The following ASCC3 variants were observed in gnomAD, a reference collection of about 807,000 sequenced individuals.
ASCC3 encodes the protein activating signal cointegrator 1 complex subunit 3.
ASCC3 carries 158 observed loss-of-function variants against 256.3 expected under a neutral mutation model. That is an observed-to-expected ratio of 0.62 (90% CI 0.54 to 0.70). ASCC3 has a LOEUF of 0.70. Ranked by LOEUF, ASCC3 falls within the 30% of genes least tolerant of loss-of-function variation. The pLI is 0.00. For missense variants in ASCC3, 2,259 were observed against 2,626.0 expected (o/e 0.86, Z 3.05); for synonymous variants, 948 against 883.4 (o/e 1.07, Z -1.30).
At chr6:100,638,940 C>T (rs942274589) in intron 24 of ASCC3, 119 bp from the exon 25 acceptor site, 2 of 855,204 alleles carry the variant, frequency 2.3e-6, no homozygotes, top group African/African-American at 1.7e-5. Flanking sequence ...AGAAAAAACA[C>T]AAACTCTTAT....
At chr6:100,859,833 G>C (rs1435077292) in intron 3 of ASCC3, among the ~76,000 whole-genome samples, 1 of 152,018 alleles carries the variant, frequency 6.6e-6, no homozygotes, top group Non-Finnish European at 1.5e-5. Flanking sequence ...ATGACAAGTT[G>C]AATAGTGAAA....
chr6:100,824,873 C>T (rs1771220978), intron 4 of ASCC3, among the ~76,000 whole-genome samples: 1 of 151,900 alleles, frequency 6.6e-6, no homozygotes, highest in Non-Finnish European at 1.5e-5. Flanking sequence ...ACATGAAAGC[C>T]TTGAAGGGTA....
chr6:100,554,691 A>C (rs1769479676), intron 36 of ASCC3, among the ~76,000 whole-genome samples: 1 of 152,116 alleles, frequency 6.6e-6, no homozygotes, highest in African/African-American at 2.4e-5. Flanking sequence ...CATTTCAGTA[A>C]ATTTCCCTGA....
chr6:100,623,358 A>G (rs972824627), intron 30 of ASCC3, among the ~76,000 whole-genome samples: 1 of 152,174 alleles, frequency 6.6e-6, no homozygotes, highest in African/African-American at 2.4e-5. Flanking sequence ...TAGCCTGCAT[A>G]TTAAGCTAAT....
At chr6:100,603,121 T>C (rs541863159) in intron 33 of ASCC3, among the ~76,000 whole-genome samples, 3 of 152,126 alleles carry the variant, frequency 2.0e-5, no homozygotes, top group South Asian at 4.1e-4. Context: ...TGCAACGTTA[T>C]ACATAAGAGG....
intron 37 of ASCC3, among the ~76,000 whole-genome samples, chr6:100,526,479 G>A (rs1774583908): frequency 6.6e-6 from 1 of 152,130 alleles, no homozygotes; most frequent in East Asian, 1.9e-4. Flanking sequence ...CACCCAGAGG[G>A]AAAACAGCCT....
chr6:100,569,042 A>G (rs1770440343), intron 36 of ASCC3, among the ~76,000 whole-genome samples: 1 of 151,918 alleles, frequency 6.6e-6, no homozygotes, highest in Non-Finnish European at 1.5e-5. Context: ...GCCTAGTCAT[A>G]AATTATTTCT....
Position 100,718,258 on chromosome 6 carries a change from G to T in ASCC3, c.1903-7C>A. 1 of 1,579,672 alleles carries T rather than the reference G, an allele frequency of 6.3e-7. No homozygotes were observed. Among genetic ancestry groups the T allele is most frequent in the Middle Eastern group, 1.7e-4 (1 of 5,888 alleles). On this transcript the variant is annotated splice_region_variant and splice_polypyrimidine_tract_variant and intron_variant, in intron 11 of 41. Transcript: ENST00000369162. ...TACTCTGTGTGGATTCCACCTATAT[G>T]GATTATTTTAATTAAATATGGGTTA...
chr6:100,838,239 T>C (rs1306876011), intron 4 of ASCC3, among the ~76,000 whole-genome samples: 1 of 152,012 alleles, frequency 6.6e-6, no homozygotes, highest in African/African-American at 2.4e-5. Flanking sequence ...AATATGCATA[T>C]TGAAAACTAA....
intron 16 of ASCC3, 77 bp downstream of exon 16, chr6:100,661,729 C>A (rs907719987): frequency 6.8e-7 from 1 of 1,468,098 alleles, no homozygotes; most frequent in African/African-American, 1.4e-5. Context: ...AAAACAGCAA[C>A]CAACTCAATC....
chr6:100,739,702 A>G (rs1195804589), intron 10 of ASCC3, among the ~76,000 whole-genome samples: 1 of 152,068 alleles, frequency 6.6e-6, no homozygotes, highest in African/African-American at 2.4e-5. Flanking sequence ...TGCTTCTTCT[A>G]GATTTTCTAG....
At position 100,781,925 on chromosome 6, in the gene ASCC3, T is replaced by C. The variant is rs1782468895; in HGVS notation, c.1396-14580A>G. On this transcript the variant is annotated intron_variant, in intron 8 of 41. Transcript: ENST00000369162. ...TGTTTATACCCAATCCCAATTTACA[T>C]ATCTATATTTTTATATATTTATATC... Among the ~76,000 whole-genome samples the C allele has an allele frequency of 1.3e-5, 2 of 151,966 alleles. 1 individual carries two copies. Among genetic ancestry groups the C allele is most frequent in the Admixed American group, 1.3e-4 (2 of 15,264 alleles).
chr6:100,589,575 G>A, intron 36 of ASCC3, 59 bp downstream of exon 36: 1 of 1,601,070 alleles, frequency 6.2e-7, no homozygotes, highest in Non-Finnish European at 8.5e-7. Context: ...GACAAACTAG[G>A]TGGCAAAACT....
At chr6:100,739,818 T>C in intron 10 of ASCC3, among the ~76,000 whole-genome samples, 1 of 152,220 alleles carries the variant, frequency 6.6e-6, no homozygotes, top group African/African-American at 2.4e-5. Context: ...TTGATTCTTT[T>C]CTCTTTTCTT....
At chr6:100,715,709 C>T (rs1051582263) in intron 12 of ASCC3, among the ~76,000 whole-genome samples, 176 bp from the exon 13 acceptor site, 2 of 151,296 alleles carry the variant, frequency 1.3e-5, no homozygotes, top group African/African-American at 4.8e-5. Context: ...AAATATGCAA[C>T]GCAACTTAAA....
rs1473380685 is a variant in ASCC3 at position 100,651,536 on chromosome 6, G to C, written c.3075+24C>G. 4 of 1,451,338 alleles carry C rather than the reference G, an allele frequency of 2.8e-6. No homozygotes were observed. In the East Asian group the frequency reaches 9.3e-5, roughly 34 times the overall value. 89.9% of individuals were successfully genotyped at this position (1,451,338 alleles called of 1,614,324 possible). A position where few individuals can be genotyped will look rare whatever the true frequency, so the allele number is the denominator to read the frequency against. ...GAATGCATACATGTTGTATGCATTT[G>C]ATTCAAATTTCAAGAAATCTTACCT... On this transcript the variant is annotated intron_variant, in intron 19 of 41. Transcript: ENST00000369162.
intron 3 of ASCC3, chr6:100,858,656 C>A: frequency 4.0e-6 from 4 of 1,001,420 alleles, no homozygotes; most frequent in Non-Finnish European, 3.6e-6. Context: ...ATCACACACA[C>A]ACATCATGTG....
chr6:100,535,236 G>C (rs1193940970), intron 37 of ASCC3, among the ~76,000 whole-genome samples: 2 of 152,230 alleles, frequency 1.3e-5, no homozygotes, highest in African/African-American at 4.8e-5. Flanking sequence ...TTTTCAATCA[G>C]CCAGCAGAGC....
intron 28 of ASCC3, 44 bp downstream of exon 28, chr6:100,627,798 T>TA: frequency 6.2e-7 from 1 of 1,612,246 alleles, no homozygotes; most frequent in Non-Finnish European, 8.5e-7. Context: ...ATCATCAAAG[T>TA]AACACTACTA....
Sources: allele counts gnomAD v4.1 joint callset (sites outside exome capture counted in the v4.1 genomes callset), GRCh38; gene constraint gnomAD v4.1.1; transcripts MANE v1.5; gene names NCBI Gene and HGNC (gene_info 2026-07-23, HGNC 2026-07-21).